GAPT: variants seen among roughly 807,000 people sequenced by gnomAD.
The protein encoded by GAPT is GRB2 binding adaptor protein, transmembrane, also known as protein GAPT.
For synonymous variants in GAPT, 82 were observed against 69.7 expected, an observed-to-expected ratio of 1.18 and a Z score of -0.88; for missense variants, 206 against 189.2, an observed-to-expected ratio of 1.09 and a Z score of -0.52.
chr5:58,494,674 T>A lies in GAPT; in HGVS notation c.138T>A (p.Phe46Leu). 6.2e-7 allele frequency: 1 copy of A among 1,614,018 alleles called. No homozygotes were observed. The highest frequency in any genetic ancestry group is 8.5e-7 in the Non-Finnish European group (1 of 1,179,958). Residue 46 changes from phenylalanine (F) to leucine (L), a missense_variant, in exon 3 of 3, where the codon TTT (phenylalanine) becomes TTA (leucine). Physicochemically the swap from Phe to Leu is conservative, Grantham distance 22 (BLOSUM62 0). Transcript: ENST00000502276. ...RVATRFTLPRFLQRRSSRRKV... is the reference protein window; with the variant it reads ...RVATRFTLPRLLQRRSSRRKV... ...CCACACGATTTACCTTACCGAGGTT[T>A]TTACAAAGGAGAAGCAGCAGGAGAA...
chr5:58,494,561 T>C lies in GAPT; in HGVS notation c.25T>C (p.Leu9=), dbSNP rs1344142799. 1 of 1,611,362 alleles carries C rather than the reference T, an allele frequency of 6.2e-7. No individual in the cohort carries two copies. Among genetic ancestry groups the C allele is most frequent in the Admixed American group, 1.7e-5 (1 of 59,556 alleles). The change falls in exon 3 of 3, where the codon TTA becomes CTA. Residue 9 remains leucine (L), a synonymous_variant. Coordinates refer to ENST00000502276, the MANE Select transcript of GAPT (RefSeq NM_001304431.2). MSKSCGNN[L]AAISVGISLL... is the part of the protein sequence containing the mutation. Reference sequence around the variant, plus strand: ...AATGTCGAAAAGCTGTGGAAATAATTTAGCGGCCATTTCTGTAGGAATTTC... The same window carrying C: ...AATGTCGAAAAGCTGTGGAAATAATCTAGCGGCCATTTCTGTAGGAATTTC...
At position 58,495,322 on chromosome 5, in the gene GAPT, G is replaced by GA. The variant is rs149917833; in HGVS notation, c.*322dup. The GA allele has an allele frequency of 3.5e-3, 893 of 254,552 alleles. No homozygotes were observed. Among genetic ancestry groups the GA allele is most frequent in the Middle Eastern group, 8.3e-3 (6 of 724 alleles). The allele number at this position is 254,552 out of a possible 1,614,324, so 15.8% of individuals were successfully genotyped here. A position where few individuals can be genotyped will look rare whatever the true frequency, so the allele number is the denominator to read the frequency against. On this transcript the variant is annotated 3_prime_UTR_variant, in exon 3 of 3. Transcript: ENST00000502276. ...CAGTGGAAGGAGGGAGAGGTTCAGG[G>GA]AAAAAAAAAATATCAGGTACTATGC...
chr5:58,491,670 G>A (rs1203370046), intron 1 of GAPT, 129 bp downstream of exon 1: 1 of 152,042 alleles, frequency 6.6e-6, no homozygotes, highest in Non-Finnish European at 1.5e-5. Flanking sequence ...AGCTGTAAGG[G>A]GGAAACCCAA....
In GAPT at chr5:58,494,614, A is replaced by AATTGG; in HGVS notation, c.79_83dup (p.Cys29LeufsTer43). 1 of 1,613,966 alleles carries AATTGG rather than the reference A, an allele frequency of 6.2e-7. No homozygotes were observed. Among genetic ancestry groups the AATTGG allele is most frequent in the South Asian group, 1.1e-5 (1 of 91,076 alleles). ...TTCTTTTACTCTTAGTGGTTTGTGG[A>AATTGG]ATTGGGTGTGTTTGGCACTGGAAAC... On this transcript the variant is annotated frameshift_variant, in exon 3 of 3. Coordinates refer to ENST00000502276, the MANE Select transcript of GAPT (RefSeq NM_001304431.2). LOFTEE classifies it low-confidence loss of function (END_TRUNC).
rs182834658 is a variant in GAPT, at chr5:58,494,860, T to A, written c.324T>A (p.Asp108Glu). The A allele has an allele frequency of 1.2e-6, 2 of 1,613,930 alleles. No homozygotes were observed. The highest frequency in any genetic ancestry group is 1.7e-5 in the Admixed American group (1 of 59,966). Residue 108 changes from aspartate (D) to glutamate (E), a missense_variant, in exon 3 of 3, where the codon GAT becomes GAA. By Grantham distance (45) the Asp-to-Glu change is conservative (BLOSUM62 2). Transcript: ENST00000502276. ...CTCCCAAAGCTAAAGGAAAAACCGATAAGGAACTATATGAAAACACAGGGC... is the reference window on the plus strand; with the variant it reads ...CTCCCAAAGCTAAAGGAAAAACCGAAAAGGAACTATATGAAAACACAGGGC... ...AGPPKAKGKT[D>E]KELYENTGQS... is the part of the protein sequence containing the mutation.
rs1744440859 is a variant in GAPT at position 58,496,067 on chromosome 5, T to A, written c.*1057T>A. 2 of 167,042 alleles carry A rather than the reference T, an allele frequency of 1.2e-5. No individual in the cohort carries two copies. Among genetic ancestry groups the A allele is most frequent in the Non-Finnish European group, 1.5e-5 (1 of 68,118 alleles). 10.3% of individuals were successfully genotyped at this position (167,042 alleles called of 1,614,324 possible). A position where few individuals can be genotyped will look rare whatever the true frequency, so the allele number is the denominator to read the frequency against. On this transcript the variant is annotated 3_prime_UTR_variant, in exon 3 of 3. Coordinates refer to ENST00000502276, the MANE Select transcript of GAPT (RefSeq NM_001304431.2). ...TTCAGATCATAAGTTCTTCCACACATCTCCTGAATCACTCCAAACCCGCAT... is the reference window on the plus strand; with the variant it reads ...TTCAGATCATAAGTTCTTCCACACAACTCCTGAATCACTCCAAACCCGCAT...
rs999009095 is a variant in GAPT at position 58,496,405 on chromosome 5, G to A, written c.*1395G>A. On this transcript the variant is annotated 3_prime_UTR_variant, in exon 3 of 3. Coordinates refer to ENST00000502276, the MANE Select transcript of GAPT (RefSeq NM_001304431.2). ...TTCTATCTACTTGCTATTGTGCTGT[G>A]CACCTGAGGGACATGGGTTGGTGGA... 2 of 167,056 alleles carry A rather than the reference G, an allele frequency of 1.2e-5. No individual in the cohort carries two copies. Among genetic ancestry groups the A allele is most frequent in the Non-Finnish European group, 2.9e-5 (2 of 68,134 alleles). The allele number at this position is 167,056 out of a possible 1,614,324, so 10.3% of individuals were successfully genotyped here. A position where few individuals can be genotyped will look rare whatever the true frequency, so the allele number is the denominator to read the frequency against.
rs1744410820 is a variant in GAPT at position 58,495,117 on chromosome 5, A to G, written c.*107A>G. ...AATGTTGATCAACTGTAGACTGGAT[A>G]AAGAAAATGTGGTACACATACACCA... On this transcript the variant is annotated 3_prime_UTR_variant, in exon 3 of 3. Transcript: ENST00000502276. 1 of 693,894 alleles carries G rather than the reference A, an allele frequency of 1.4e-6. No individual in the cohort carries two copies. The highest frequency in any genetic ancestry group is 2.4e-6 in the Non-Finnish European group (1 of 419,218). The allele number at this position is 693,894 out of a possible 1,614,324, so 43.0% of individuals were successfully genotyped here. A position where few individuals can be genotyped will look rare whatever the true frequency, so the allele number is the denominator to read the frequency against.
At chr5:58,493,110 A>G (rs1223413494) in intron 1 of GAPT, among the ~76,000 whole-genome samples, 56 of 152,198 alleles carry the variant, frequency 3.7e-4, no homozygotes, top group Non-Finnish European at 5.9e-5. Flanking sequence ...TGATATGAAT[A>G]GTACCCACTA....
At position 58,494,786 on chromosome 5, in the gene GAPT, G is replaced by T; in HGVS notation, c.250G>T (p.Val84Phe). 6.2e-7 allele frequency: 1 copy of T among 1,613,954 alleles called. No homozygotes were observed. Among genetic ancestry groups the T allele is most frequent in the South Asian group, 1.1e-5 (1 of 91,082 alleles). Residue 84 changes from valine (V) to phenylalanine (F), a missense_variant, in exon 3 of 3, where the codon GTC becomes TTC. By Grantham distance (50) the Val-to-Phe change is conservative (BLOSUM62 -1). Coordinates refer to ENST00000502276, the MANE Select transcript of GAPT (RefSeq NM_001304431.2). Reference protein sequence around the residue: ...SVETQDHKSAVRGNNTHDNYE... With the variant: ...SVETQDHKSAFRGNNTHDNYE... ...TGAAACCCAAGACCACAAATCTGCT[G>T]TCAGGGGAAATAACACACACGACAA...
In GAPT at chr5:58,495,658, G is replaced by A. The variant is rs571259751; in HGVS notation, c.*648G>A. On this transcript the variant is annotated 3_prime_UTR_variant, in exon 3 of 3. Coordinates refer to ENST00000502276, the MANE Select transcript of GAPT (RefSeq NM_001304431.2). Reference sequence around the variant, plus strand: ...TGATTCTTCCTTCTAAATATTACCCGTTATCTCTTTCCTTTATTTCTACCA... The same window carrying A: ...TGATTCTTCCTTCTAAATATTACCCATTATCTCTTTCCTTTATTTCTACCA... 1.5e-4 allele frequency: 24 copies of A among 161,862 alleles called. No homozygotes were observed. The East Asian group carries it at 2.5e-3, about 17-fold the overall frequency. The allele number at this position is 161,862 out of a possible 1,614,324, so 10.0% of individuals were successfully genotyped here.
chr5:58,495,551 A>G lies in GAPT; in HGVS notation c.*541A>G, dbSNP rs1323425657. ...TCTCTGCCTATCTCCACCTTTCTGA[A>G]TCCTATGTGTATCGCTGTGGATTAA... On this transcript the variant is annotated 3_prime_UTR_variant, in exon 3 of 3. Transcript: ENST00000502276. The G allele has an allele frequency of 6.0e-6, 1 of 167,460 alleles. No individual in the cohort carries two copies. The highest frequency in any genetic ancestry group is 2.4e-5 in the African/African-American group (1 of 41,432). 10.4% of individuals were successfully genotyped at this position (167,460 alleles called of 1,614,324 possible).
Position 58,494,180 on chromosome 5 carries a change from T to G in GAPT, c.-290-67T>G, listed in dbSNP as rs149837258. ...GATGGCAGATCATTCAACCTTCTTTTTCTTGAGTTTTCTACTCTGCTGTCA... is the reference window on the plus strand; with the variant it reads ...GATGGCAGATCATTCAACCTTCTTTGTCTTGAGTTTTCTACTCTGCTGTCA... On this transcript the variant is annotated intron_variant, in intron 2 of 2. Transcript: ENST00000502276. The G allele has an allele frequency of 4.4e-3, 806 of 184,866 alleles. 7 individuals are homozygous for G. Among genetic ancestry groups the G allele is most frequent in the African/African-American group, 0.017 (749 of 42,896 alleles). The allele number at this position is 184,866 out of a possible 1,614,324, so 11.5% of individuals were successfully genotyped here. A position where few individuals can be genotyped will look rare whatever the true frequency, so the allele number is the denominator to read the frequency against.
At chr5:58,491,927 T>C (rs1181151149) in intron 1 of GAPT, among the ~76,000 whole-genome samples, 1 of 152,212 alleles carries the variant, frequency 6.6e-6, no homozygotes, top group African/African-American at 2.4e-5. Context: ...ATTTGAATGG[T>C]TATTGTTTAA....
At chr5:58,492,846 A>C (rs1744296852) in intron 1 of GAPT, among the ~76,000 whole-genome samples, 1 of 152,158 alleles carries the variant, frequency 6.6e-6, no homozygotes, top group Admixed American at 6.6e-5. Context: ...CAAATGTCTA[A>C]TAGATTAGTC....
intron 1 of GAPT, among the ~76,000 whole-genome samples, chr5:58,492,847 T>C (rs753236037): frequency 6.6e-6 from 1 of 152,182 alleles, no homozygotes; most frequent in Non-Finnish European, 1.5e-5. Context: ...AAATGTCTAA[T>C]AGATTAGTCA....
chr5:58,494,702 G>A lies in GAPT; in HGVS notation c.166G>A (p.Val56Ile), dbSNP rs1561228616. 2 of 1,614,012 alleles carry A rather than the reference G, an allele frequency of 1.2e-6. No individual in the cohort carries two copies. Among genetic ancestry groups the A allele is most frequent in the Non-Finnish European group, 8.5e-7 (1 of 1,179,972 alleles). The change falls in exon 3 of 3, where the codon GTC becomes ATC. Residue 56 changes from valine (V) to isoleucine (I), a missense_variant. Physicochemically the swap from Val to Ile is conservative, Grantham distance 29. Coordinates refer to ENST00000502276, the MANE Select transcript of GAPT (RefSeq NM_001304431.2). ...FLQRRSSRRK[V>I]CTKTFLGPRI... ...ACAAAGGAGAAGCAGCAGGAGAAAA[G>A]TCTGTACTAAAACATTCTTGGGCCC... is the stretch of plus-strand genomic sequence containing the variant.
At chr5:58,493,463 G>A (rs1375746839) in intron 1 of GAPT, among the ~76,000 whole-genome samples, 1 of 151,954 alleles carries the variant, frequency 6.6e-6, no homozygotes, top group African/African-American at 2.4e-5. Flanking sequence ...AAAATACATT[G>A]GTTTACTTTA....
At position 58,494,446 on chromosome 5, in the gene GAPT, TC is replaced by T. The variant is rs1744369219; in HGVS notation, c.-90del. The T allele has an allele frequency of 2.7e-6, 3 of 1,114,204 alleles. No homozygotes were observed. In the African/African-American group the frequency reaches 4.7e-5, roughly 18 times the overall value. The allele number at this position is 1,114,204 out of a possible 1,614,324, so 69.0% of individuals were successfully genotyped here. On this transcript the variant is annotated 5_prime_UTR_variant, in exon 3 of 3. It removes the in-frame stop codon of an upstream open reading frame in the 5' UTR. Transcript: ENST00000502276. ...AAAATGCCTAAAAGAGCTTCCAAAC[TC>T]ATTTTTGAATAATACTAGGCTACAA... is the stretch of plus-strand genomic sequence containing the variant.
Sources: allele counts gnomAD v4.1 joint callset (sites outside exome capture counted in the v4.1 genomes callset), GRCh38; gene constraint gnomAD v4.1.1; transcripts MANE v1.5; gene names NCBI Gene and HGNC (gene_info 2026-07-23, HGNC 2026-07-21).